The following GALNT11 variants were observed in gnomAD, a reference collection of about 807,000 sequenced individuals.
GALNT11 encodes UDP-GalNAc:polypeptide N-acetylgalactosaminyltransferase 11.
A neutral mutation model predicts 72.7 loss-of-function variants in GALNT11; 47 were observed. The ratio of observed to expected loss-of-function variants is 0.65; its 90% CI spans 0.51 to 0.82. GALNT11 has a LOEUF of 0.82. GALNT11 is among the 40% of genes least tolerant of loss of function. The pLI is 0.00. For synonymous variants in GALNT11, 270 were observed against 286.6 expected, an observed-to-expected ratio of 0.94 and a Z score of 0.58; for missense variants, 677 against 778.4, an observed-to-expected ratio of 0.87 and a Z score of 1.55.
chr7:152,075,615 T>G (rs969950403), intron 1 of GALNT11, among the ~76,000 whole-genome samples: 9 of 152,000 alleles, frequency 5.9e-5, no homozygotes, highest in Admixed American at 2.0e-4. Flanking sequence ...GAGACCAGCC[T>G]CACCAACATG....
intron 1 of GALNT11, among the ~76,000 whole-genome samples, chr7:152,039,531 T>C (rs987831576): frequency 2.0e-5 from 3 of 152,186 alleles, no homozygotes; most frequent in Non-Finnish European, 4.4e-5. Flanking sequence ...TGTCCCGCTT[T>C]CCTCAGGTTT....
At chr7:152,098,904 T>C (rs540423553) in intron 2 of GALNT11, among the ~76,000 whole-genome samples, 4 of 152,182 alleles carry the variant, frequency 2.6e-5, no homozygotes, top group African/African-American at 9.6e-5. Flanking sequence ...TCAAAGTAGA[T>C]ATGGGGACAC....
chr7:152,103,555 G>T, intron 4 of GALNT11: 1 of 336,648 alleles, frequency 3.0e-6, no homozygotes. Flanking sequence ...TTCACAGGAA[G>T]TTACAAAGAC....
At chr7:152,069,956 G>A (rs2084529272) in intron 1 of GALNT11, among the ~76,000 whole-genome samples, 1 of 151,174 alleles carries the variant, frequency 6.6e-6, no homozygotes. Context: ...TAACTGTTTT[G>A]CACTCATTGC....
chr7:152,033,385 T>C (rs1347135153), intron 1 of GALNT11, among the ~76,000 whole-genome samples: 1 of 152,218 alleles, frequency 6.6e-6, no homozygotes, highest in African/African-American at 2.4e-5. Flanking sequence ...CTTTCTCTGA[T>C]CTCGCTTTTC....
At chr7:152,051,149 T>G (rs1406745994) in intron 1 of GALNT11, among the ~76,000 whole-genome samples, 2 of 151,658 alleles carry the variant, frequency 1.3e-5, no homozygotes, top group Non-Finnish European at 2.9e-5. Flanking sequence ...TGGTGGAGGC[T>G]TCCATTTGGC....
At chr7:152,110,027 A>G (rs1020053928) in intron 6 of GALNT11, among the ~76,000 whole-genome samples, 1 of 152,158 alleles carries the variant, frequency 6.6e-6, no homozygotes, top group South Asian at 2.1e-4. Context: ...CCCAGATTCT[A>G]GGAGCACCCT....
intron 1 of GALNT11, among the ~76,000 whole-genome samples, chr7:152,031,428 A>G (rs544988206): frequency 6.6e-6 from 1 of 152,348 alleles, no homozygotes; most frequent in South Asian, 2.1e-4. Context: ...CGGTCCCTCA[A>G]GGAGTAGTGC....
At chr7:152,102,185 T>C (rs116060457) in intron 3 of GALNT11, among the ~76,000 whole-genome samples, 1,911 of 152,148 alleles carry the variant, frequency 0.013, 42 homozygotes, top group African/African-American at 0.044. Context: ...GTGATTTTGG[T>C]AAAAAGAACT....
chr7:152,036,858 A>T (rs1036767629), intron 1 of GALNT11, among the ~76,000 whole-genome samples: 1 of 152,176 alleles, frequency 6.6e-6, no homozygotes, highest in African/African-American at 2.4e-5. Flanking sequence ...ACCTTTTCAT[A>T]CACCTGTTTG....
At chr7:152,072,802 C>T (rs1237307152) in intron 1 of GALNT11, among the ~76,000 whole-genome samples, 2 of 152,166 alleles carry the variant, frequency 1.3e-5, no homozygotes, top group Non-Finnish European at 2.9e-5. Flanking sequence ...CAATAGGGAC[C>T]TCATGCGTAA....
rs1296177219 is a variant in GALNT11 at position 152,074,018 on chromosome 7, G to A, written c.-38-20172G>A. 2.6e-5 allele frequency among the ~76,000 whole-genome samples: 4 copies of A among 152,104 alleles called. No individual in the cohort carries two copies. In the East Asian group the frequency reaches 5.8e-4, roughly 22 times the overall value. Reference sequence around the variant, plus strand: ...TTTTTTTTCCTGCTGAGATGTTTTAGTTTCTGGTTTATTCTGGGTATTAAT... The same window carrying A: ...TTTTTTTTCCTGCTGAGATGTTTTAATTTCTGGTTTATTCTGGGTATTAAT... On this transcript the variant is annotated intron_variant, in intron 1 of 11. Transcript: ENST00000430044.
intron 1 of GALNT11, among the ~76,000 whole-genome samples, chr7:152,050,182 C>T (rs1318304036): frequency 6.6e-6 from 1 of 152,020 alleles, no homozygotes; most frequent in Non-Finnish European, 1.5e-5. Flanking sequence ...GCAGAAGTCC[C>T]TTTCTGTAGC....
intron 1 of GALNT11, among the ~76,000 whole-genome samples, chr7:152,031,380 G>A (rs2082297390): frequency 6.6e-6 from 1 of 152,208 alleles, no homozygotes; most frequent in Admixed American, 6.5e-5. Context: ...GAGAAAAGTG[G>A]CAGGGTTGAG....
Position 152,059,272 on chromosome 7 carries a change from A to AT in GALNT11, c.-39+33398dup, listed in dbSNP as rs569759652. Among the ~76,000 whole-genome samples the AT allele has an allele frequency of 4.6e-3, 671 of 145,334 alleles. 7 individuals carry two copies. Among genetic ancestry groups the AT allele is most frequent in the African/African-American group, 0.013 (528 of 39,512 alleles). On this transcript the variant is annotated intron_variant, in intron 1 of 11. Transcript: ENST00000430044. ...CACCATGCCCAACTTTTTTTTTTGT[A>AT]TTTTTTTTTTGTAGCGATTGGGTCT...
At chr7:152,069,171 A>G (rs1039568809) in intron 1 of GALNT11, among the ~76,000 whole-genome samples, 1 of 152,148 alleles carries the variant, frequency 6.6e-6, no homozygotes, top group Admixed American at 6.5e-5. Flanking sequence ...ATATTGTTTA[A>G]TTTTTGAGAC....
chr7:152,120,778 T>G (rs1428573792), intron 10 of GALNT11, 53 bp from the exon 11 acceptor site: 5 of 1,425,680 alleles, frequency 3.5e-6, no homozygotes, highest in South Asian at 2.3e-5. Context: ...ATGCAAAGTG[T>G]TGTTCAGTCT....
At chr7:152,088,097 A>C (rs1264761753) in intron 1 of GALNT11, among the ~76,000 whole-genome samples, 10 of 152,238 alleles carry the variant, frequency 6.6e-5, no homozygotes, top group Admixed American at 6.5e-4. Flanking sequence ...GCTGGCGTGG[A>C]GCCCTGGGAA....
At chr7:152,040,395 G>A (rs577751859) in intron 1 of GALNT11, among the ~76,000 whole-genome samples, 1 of 152,334 alleles carries the variant, frequency 6.6e-6, no homozygotes, top group Non-Finnish European at 1.5e-5. Flanking sequence ...CACTTGGCAA[G>A]TTGGGCATCG....
Sources: allele counts gnomAD v4.1 joint callset (sites outside exome capture counted in the v4.1 genomes callset), GRCh38; gene constraint gnomAD v4.1.1; transcripts MANE v1.5; gene names NCBI Gene and HGNC (gene_info 2026-07-23, HGNC 2026-07-21).